GUCY1A2: variants seen among roughly 807,000 people sequenced by gnomAD.
GUCY1A2 encodes the protein guanylate cyclase soluble subunit alpha-2.
A neutral mutation model predicts 63.5 loss-of-function variants in GUCY1A2; 27 were observed. The ratio of observed to expected loss-of-function variants is 0.43; its 90% confidence interval spans 0.31 to 0.59. GUCY1A2 has a LOEUF of 0.59. Among genes scored for constraint, GUCY1A2 ranks in the 20% least tolerant of loss-of-function variants. The pLI, the probability that GUCY1A2 is intolerant of heterozygous loss-of-function variation, is 0.11. For missense variants in GUCY1A2, 768 were observed against 913.3 expected (o/e 0.84, Z 2.05); for synonymous variants, 364 against 343.5 (o/e 1.06, Z -0.66).
intron 6 of GUCY1A2, among the ~76,000 whole-genome samples, chr11:106,726,284 C>T (rs1319255300): frequency 3.9e-5 from 6 of 152,032 alleles, no homozygotes; most frequent in East Asian, 1.9e-4. Context: ...GTCATGGTGG[C>T]GGGCACCTGT....
chr11:106,748,918 T>A (rs1166981366), intron 6 of GUCY1A2, among the ~76,000 whole-genome samples: 1 of 152,030 alleles, frequency 6.6e-6, no homozygotes, highest in Non-Finnish European at 1.5e-5. Context: ...AGGGTATTAT[T>A]TCATAAATTT....
At chr11:106,896,607 G>T (rs533494172) in intron 4 of GUCY1A2, among the ~76,000 whole-genome samples, 25 of 152,280 alleles carry the variant, frequency 1.6e-4, no homozygotes, top group African/African-American at 5.8e-4. Context: ...TCATGAATGG[G>T]ATTAGCATCC....
chr11:106,918,249 TG>T (rs1490895263), intron 4 of GUCY1A2, among the ~76,000 whole-genome samples: 1 of 144,628 alleles, frequency 6.9e-6, no homozygotes, highest in African/African-American at 2.5e-5. Flanking sequence ...GTTCTCTCCT[TG>T]AAAAAAAATT....
chr11:107,004,856 A>T (rs1225692241), intron 1 of GUCY1A2, among the ~76,000 whole-genome samples: 2 of 152,210 alleles, frequency 1.3e-5, no homozygotes, highest in African/African-American at 4.8e-5. Flanking sequence ...GGAACCGAAC[A>T]ATAGTCCTAA....
chr11:106,847,130 T>A (rs892589947), intron 4 of GUCY1A2, among the ~76,000 whole-genome samples: 2 of 150,978 alleles, frequency 1.3e-5, no homozygotes, highest in Non-Finnish European at 3.0e-5. Context: ...TGAAAAATTA[T>A]ATAAATCCAT....
At chr11:106,700,914 T>C (rs1862806961) in intron 7 of GUCY1A2, among the ~76,000 whole-genome samples, 1 of 152,108 alleles carries the variant, frequency 6.6e-6, no homozygotes, top group African/African-American at 2.4e-5. Flanking sequence ...TATAACATAG[T>C]ATCTCATCCT....
chr11:106,992,353 C>T lies in GUCY1A2; in HGVS notation c.304-6222G>A, dbSNP rs926736939. Among the ~76,000 whole-genome samples, 6 of 140,182 alleles carry T rather than the reference C, an allele frequency of 4.3e-5. No individual in the cohort carries two copies. In the East Asian group the frequency reaches 8.4e-4, roughly 20 times the overall value. The allele number at this position is 140,182 out of a possible 152,430, so 92.0% of individuals were successfully genotyped here. A position where few individuals can be genotyped will look rare whatever the true frequency, so the allele number is the denominator to read the frequency against. On this transcript the variant is annotated intron_variant, in intron 1 of 7. Coordinates refer to ENST00000526355, the MANE Select transcript of GUCY1A2 (RefSeq NM_000855.3). ...TTTTTTTTTTTTTTTTTTTTGATAC[C>T]GAGTCTCGCTCTGTCCCCCAGGCTG...
At chr11:106,710,353 TATA>T (rs1383146297) in intron 6 of GUCY1A2, among the ~76,000 whole-genome samples, 2 of 99,820 alleles carry the variant, frequency 2.0e-5, no homozygotes, top group Non-Finnish European at 3.7e-5. Context: ...AGTTATATAT[TATA>T]TACATGTATA....
chr11:106,924,130 T>C (rs956581182), intron 4 of GUCY1A2, among the ~76,000 whole-genome samples: 5 of 152,208 alleles, frequency 3.3e-5, no homozygotes, highest in African/African-American at 1.2e-4. Flanking sequence ...TGTCATAACA[T>C]TTTTAAAAAT....
chr11:106,804,695 T>C (rs376577184), intron 5 of GUCY1A2, among the ~76,000 whole-genome samples: 137 of 152,284 alleles, frequency 9.0e-4, no homozygotes, highest in South Asian at 1.9e-3. Context: ...TAAAACTCTA[T>C]GTCAGAAACA....
chr11:106,728,056 C>T (rs745685423), intron 6 of GUCY1A2, among the ~76,000 whole-genome samples: 1 of 152,168 alleles, frequency 6.6e-6, no homozygotes, highest in Non-Finnish European at 1.5e-5. Context: ...TCGTAAATGT[C>T]CCATTTCATC....
At chr11:106,775,406 G>C (rs980822805) in intron 6 of GUCY1A2, among the ~76,000 whole-genome samples, 2 of 151,884 alleles carry the variant, frequency 1.3e-5, no homozygotes, top group African/African-American at 4.8e-5. Flanking sequence ...TCCTCCAGGG[G>C]GGAATAGTAT....
At chr11:106,698,877 C>A (rs1862769223) in intron 7 of GUCY1A2, among the ~76,000 whole-genome samples, 1 of 152,086 alleles carries the variant, frequency 6.6e-6, no homozygotes, top group Non-Finnish European at 1.5e-5. Flanking sequence ...TTTATTTAAT[C>A]AGTCAGTAGT....
intron 6 of GUCY1A2, among the ~76,000 whole-genome samples, chr11:106,716,965 C>T (rs999102541): frequency 6.6e-6 from 1 of 151,978 alleles, no homozygotes; most frequent in Non-Finnish European, 1.5e-5. Flanking sequence ...AGCAGATCCG[C>T]TTGTAGAGCC....
chr11:106,902,607 A>G (rs534708094), intron 4 of GUCY1A2, among the ~76,000 whole-genome samples: 9 of 152,302 alleles, frequency 5.9e-5, no homozygotes, highest in Admixed American at 4.6e-4. Flanking sequence ...CTATATCAAC[A>G]CATGCTGCTG....
intron 1 of GUCY1A2, among the ~76,000 whole-genome samples, chr11:106,992,545 T>C (rs1861484014): frequency 6.6e-6 from 1 of 151,904 alleles, no homozygotes; most frequent in South Asian, 2.1e-4. Flanking sequence ...TTGGCCAGGA[T>C]GGTCTCGATC....
chr11:106,775,225 C>A (rs570308214), intron 6 of GUCY1A2, among the ~76,000 whole-genome samples: 5 of 152,016 alleles, frequency 3.3e-5, no homozygotes, highest in African/African-American at 1.2e-4. Context: ...CTGGTCAGGT[C>A]AAAAATTTAC....
In GUCY1A2 at chr11:107,007,564, A is replaced by G. The variant is rs116003080; in HGVS notation, c.303+10189T>C. Among the ~76,000 whole-genome samples the G allele has an allele frequency of 1.8e-3, 269 of 152,104 alleles. 1 individual carries two copies. Among genetic ancestry groups the G allele is most frequent in the Middle Eastern group, 0.014 (4 of 294 alleles). ...ATTGCTTTATACCTCTGCATGTCAT[A>G]CTCATCTTCCCAATTTGATCTACAT... On this transcript the variant is annotated intron_variant, in intron 1 of 7. Transcript: ENST00000526355.
chr11:106,855,922 TTTA>T, intron 4 of GUCY1A2, among the ~76,000 whole-genome samples: 1 of 150,124 alleles, frequency 6.7e-6, no homozygotes. Context: ...TATTTATTTA[TTTA>T]TTTATTTATT....
Sources: allele counts gnomAD v4.1 joint callset (sites outside exome capture counted in the v4.1 genomes callset), GRCh38; gene constraint gnomAD v4.1.1; transcripts MANE v1.5; gene names NCBI Gene and HGNC (gene_info 2026-07-23, HGNC 2026-07-21).